FBXW8: variants seen among roughly 807,000 people sequenced by gnomAD.
FBXW8 encodes F-box and WD repeat domain containing 8.
In FBXW8, 57 loss-of-function variants were observed where a neutral mutation model predicts 65.3. The ratio of observed to expected loss-of-function variants is 0.87; its 90% CI spans 0.71 to 1.09. FBXW8 has a LOEUF of 1.09. Among genes scored for constraint, FBXW8 ranks in the 50% least tolerant of loss-of-function variants. The probability of loss-of-function intolerance (pLI) is 0.00; values close to 1 mark genes in which losing one functional copy is unlikely to be tolerated. For missense variants in FBXW8, 777 were observed against 814.8 expected, an observed-to-expected ratio of 0.95 and a Z score of 0.57; for synonymous variants, 308 against 330.2, an observed-to-expected ratio of 0.93 and a Z score of 0.73.
chr12:117,013,950 G>A (rs1208457201), intron 8 of FBXW8, among the ~76,000 whole-genome samples: 1 of 151,812 alleles, frequency 6.6e-6, no homozygotes, highest in Non-Finnish European at 1.5e-5. Flanking sequence ...TAAGCGTTTA[G>A]AATCTGTATA....
rs1261385136 is a variant in FBXW8, at chr12:116,948,639, T to C, written c.589-979T>C. The C allele has an allele frequency of 2.6e-5, 4 of 152,224 alleles. No homozygotes were observed. In the East Asian group the frequency reaches 7.7e-4, roughly 29 times the overall value. 9.4% of individuals were successfully genotyped at this position (152,224 alleles called of 1,614,324 possible). ...TGTCCCAGTCTGGTAAAGTTGAAAT[T>C]ATGGTATTCTTGAATACCTTTATTC... On this transcript the variant is annotated intron_variant, in intron 3 of 10. Transcript: ENST00000652555.
At chr12:116,939,124 AG>A (rs1271770346) in intron 2 of FBXW8, among the ~76,000 whole-genome samples, 1 of 152,220 alleles carries the variant, frequency 6.6e-6, no homozygotes, top group African/African-American at 2.4e-5. Context: ...CGTTGCAAAA[AG>A]AAGTCAGGAA....
At position 116,931,178 on chromosome 12, in the gene FBXW8, A is replaced by C. The variant is rs1007779742; in HGVS notation, c.423+3051A>C. 3.9e-5 allele frequency among the ~76,000 whole-genome samples: 6 copies of C among 152,334 alleles called. No homozygotes were observed. The South Asian group carries it at 1.0e-3, about 26-fold the overall frequency. On this transcript the variant is annotated intron_variant, in intron 2 of 10. Coordinates refer to ENST00000652555, the MANE Select transcript of FBXW8 (RefSeq NM_153348.3). ...GTGTGTTGTTAGCACCTTCATTGAA[A>C]ATCAGTTGACTGTAAATGCACAGGC...
rs529569594 is a variant in FBXW8, at chr12:116,990,453, T to G, written c.1239+1584T>G. Among the ~76,000 whole-genome samples the G allele has an allele frequency of 3.3e-5, 5 of 152,230 alleles. No individual in the cohort carries two copies. The East Asian group carries it at 9.6e-4, about 29-fold the overall frequency. ...GCTCTAAAAAAACTTTCTTTTCCCA[T>G]CCCTGGTGAGCTCATTTGTTGAGAG... is the stretch of plus-strand genomic sequence containing the variant. On this transcript the variant is annotated intron_variant, in intron 7 of 10. Transcript: ENST00000652555.
intron 1 of FBXW8, among the ~76,000 whole-genome samples, chr12:116,916,045 C>T (rs1465875001): frequency 3.3e-5 from 5 of 152,102 alleles, no homozygotes; most frequent in Non-Finnish European, 7.4e-5. Context: ...TTTGAGTTCT[C>T]GTGTATGGCA....
intron 5 of FBXW8, among the ~76,000 whole-genome samples, chr12:116,976,801 C>T (rs1884973984): frequency 6.6e-6 from 1 of 152,036 alleles, no homozygotes; most frequent in African/African-American, 2.4e-5. Flanking sequence ...CCAGATGTTA[C>T]GTTTTTGCCA....
intron 1 of FBXW8, among the ~76,000 whole-genome samples, chr12:116,919,052 T>C (rs1204785338): frequency 6.6e-6 from 1 of 152,048 alleles, no homozygotes; most frequent in African/African-American, 2.4e-5. Context: ...AATAGAACAA[T>C]TACAACAGTA....
intron 7 of FBXW8, among the ~76,000 whole-genome samples, chr12:116,994,008 A>G (rs1953314564): frequency 6.6e-6 from 1 of 152,194 alleles, no homozygotes; most frequent in African/African-American, 2.4e-5. Context: ...TGTATCTTTA[A>G]AAACAATCCT....
At chr12:116,993,143 G>A (rs1041088612) in intron 7 of FBXW8, among the ~76,000 whole-genome samples, 19 of 117,768 alleles carry the variant, frequency 1.6e-4, no homozygotes, top group African/African-American at 5.5e-4. Context: ...TTGCTCTGTC[G>A]CCCAGGCTGG....
intron 8 of FBXW8, among the ~76,000 whole-genome samples, chr12:117,018,918 A>G (rs1394727858): frequency 1.3e-5 from 2 of 152,220 alleles, no homozygotes; most frequent in African/African-American, 4.8e-5. Context: ...GGAAATCACC[A>G]TAGCTGAATA....
chr12:117,011,108 T>C (rs1953795517), intron 8 of FBXW8, among the ~76,000 whole-genome samples: 1 of 150,768 alleles, frequency 6.6e-6, no homozygotes, highest in South Asian at 2.1e-4. Context: ...GCCTCTTCTT[T>C]CCTTGTTTTT....
chr12:116,949,521 A>G (rs1883133291), intron 3 of FBXW8, 97 bp from the exon 4 acceptor site: 1 of 1,001,294 alleles, frequency 1.0e-6, no homozygotes, highest in East Asian at 2.4e-5. Flanking sequence ...TCCATGCTGT[A>G]GAGAATTGCT....
At chr12:116,943,595 C>T (rs997928466) in intron 2 of FBXW8, among the ~76,000 whole-genome samples, 2 of 152,224 alleles carry the variant, frequency 1.3e-5, no homozygotes. Context: ...TAGCAGCTTA[C>T]AGCTCTGCCT....
At chr12:117,027,794 G>A (rs989698451) in intron 10 of FBXW8, among the ~76,000 whole-genome samples, 4 of 152,230 alleles carry the variant, frequency 2.6e-5, no homozygotes, top group African/African-American at 4.8e-5. Context: ...GGCAAGGCCC[G>A]CCCTCTTGAG....
rs1178583715 is a variant in FBXW8, at chr12:116,911,313, C to T, written c.276C>T (p.Ala92=). ...RSRSPLAREG[A]GGGEQLVDQL... ...GTTCTCCTCTGGCCCGCGAGGGCGCCGGGGGCGGGGAGCAGCTGGTGGACC... is the reference window on the plus strand; with the variant it reads ...GTTCTCCTCTGGCCCGCGAGGGCGCTGGGGGCGGGGAGCAGCTGGTGGACC... The change falls in exon 1 of 11, where the codon GCC becomes GCT. Residue 92 remains alanine (A), a synonymous_variant. Coordinates refer to ENST00000652555, the MANE Select transcript of FBXW8 (RefSeq NM_153348.3). The T allele has an allele frequency of 1.6e-5, 21 of 1,284,112 alleles. No homozygotes were observed. The highest frequency in any genetic ancestry group is 3.1e-5 in the East Asian group (1 of 32,050). 79.5% of individuals were successfully genotyped at this position (1,284,112 alleles called of 1,614,324 possible).
chr12:116,935,663 C>G (rs1030576972), intron 2 of FBXW8, among the ~76,000 whole-genome samples: 1 of 152,140 alleles, frequency 6.6e-6, no homozygotes, highest in Non-Finnish European at 1.5e-5. Flanking sequence ...CTAGATGAAA[C>G]AAGAATGGCA....
chr12:116,949,590 A>C, intron 3 of FBXW8, 28 bp from the exon 4 acceptor site: 1 of 1,610,902 alleles, frequency 6.2e-7, no homozygotes, highest in Non-Finnish European at 8.5e-7. Context: ...AGAGCAGTCT[A>C]AACTGCATCC....
At chr12:116,921,863 G>T (rs955643389) in intron 1 of FBXW8, among the ~76,000 whole-genome samples, 2 of 118,570 alleles carry the variant, frequency 1.7e-5, no homozygotes, top group Non-Finnish European at 1.6e-5. Flanking sequence ...GCTCTCTCTC[G>T]CTTTTGCCTA....
At chr12:116,939,561 A>G (rs951452790) in intron 2 of FBXW8, among the ~76,000 whole-genome samples, 1 of 152,206 alleles carries the variant, frequency 6.6e-6, no homozygotes, top group Admixed American at 6.5e-5. Flanking sequence ...GAATGGCTAC[A>G]TTTATATGAT....
Sources: allele counts gnomAD v4.1 joint callset (sites outside exome capture counted in the v4.1 genomes callset), GRCh38; gene constraint gnomAD v4.1.1; transcripts MANE v1.5; gene names NCBI Gene and HGNC (gene_info 2026-07-23, HGNC 2026-07-21).